Variants in VCP observed in about 807,000 individuals in gnomAD.
VCP encodes the protein transitional endoplasmic reticulum ATPase.
In VCP, 6 loss-of-function variants were observed where a neutral mutation model predicts 85.7. That is an observed-to-expected ratio of 0.07 (90% CI 0.04 to 0.14). The LOEUF is 0.14. VCP is among the 10% of genes least tolerant of loss of function. The pLI is 1.00. For synonymous variants in VCP, 384 were observed against 367.1 expected (o/e 1.05, Z -0.53); for missense variants, 353 against 1,043.4 (o/e 0.34, Z 9.12).
intron 9 of VCP, 23 bp from the exon 10 acceptor site, chr9:35,061,712 A>C (rs763044813): frequency 9.9e-5 from 48 of 482,824 alleles, no homozygotes; most frequent in Non-Finnish European, 1.8e-4. Context: ...ACACAAACAT[A>C]AACAGGGCTC....
intron 1 of VCP, 110 bp downstream of exon 1, chr9:35,072,227 C>G: frequency 6.8e-7 from 1 of 1,460,528 alleles, no homozygotes; most frequent in Non-Finnish European, 9.1e-7. Context: ...TCCCTCTTTC[C>G]TGGTCTCCAC....
At chr9:35,068,535 A>G (rs1349803120) in intron 1 of VCP, among the ~76,000 whole-genome samples, 173 bp from the exon 2 acceptor site, 1 of 152,202 alleles carries the variant, frequency 6.6e-6, no homozygotes, top group Non-Finnish European at 1.5e-5. Context: ...CATACATATT[A>G]CAATACCCAT....
rs531706748 is a variant in VCP at position 35,072,613 on chromosome 9, C to T, written c.-260G>A. 1 of 472,596 alleles carries T rather than the reference C, an allele frequency of 2.1e-6. No individual in the cohort carries two copies. The highest frequency in any genetic ancestry group is 3.7e-6 in the Non-Finnish European group (1 of 270,394). The allele number at this position is 472,596 out of a possible 1,614,324, so 29.3% of individuals were successfully genotyped here. ...ACGACTCAAACGACGGTCGCAGACG[C>T]TTCGCTGAGACTGAGCCGAGAAGAG... On this transcript the variant is annotated 5_prime_UTR_variant, in exon 1 of 17. Coordinates refer to ENST00000358901, the MANE Select transcript of VCP (RefSeq NM_007126.5).
intron 5 of VCP, 105 bp from the exon 6 acceptor site, chr9:35,064,390 A>G (rs980930068): frequency 9.5e-6 from 14 of 1,481,200 alleles, no homozygotes; most frequent in Non-Finnish European, 1.3e-5. Context: ...AACCTACCGT[A>G]TAAGAAGATT....
At chr9:35,071,830 C>A in intron 1 of VCP, 1 of 989,656 alleles carries the variant, frequency 1.0e-6, no homozygotes, top group Non-Finnish European at 1.2e-6. Context: ...TCCCCGACCC[C>A]GGGCTCCGCC....
intron 8 of VCP, 26 bp from the exon 9 acceptor site, chr9:35,062,164 AAG>A (rs771489734): frequency 1.5e-5 from 25 of 1,614,044 alleles, no homozygotes; most frequent in Non-Finnish European, 2.1e-5. Context: ...GTCTGGTCAG[AAG>A]TGAAGTCAGG....
In VCP at chr9:35,062,369, G is replaced by A. The variant is rs1181963805; in HGVS notation, c.812-19C>T. On this transcript the variant is annotated intron_variant, in intron 7 of 16. Coordinates refer to ENST00000358901, the MANE Select transcript of VCP (RefSeq NM_007126.5). ...TCAGGACCTGAAAGGATACAGAATG[G>A]AGACAATAACAAAATGATAGTCTTT... 6.8e-6 allele frequency: 11 copies of A among 1,613,914 alleles called. No individual in the cohort carries two copies. The highest frequency in any genetic ancestry group is 4.5e-5 in the East Asian group (2 of 44,886).
In VCP at chr9:35,062,965, C is replaced by A; in HGVS notation, c.811+13G>T. Reference sequence around the variant, plus strand: ...TGGGTCTAGCTAGACATAAGATGAACCAAATATCTCACCATTGATCAAGAA... The same window carrying A: ...TGGGTCTAGCTAGACATAAGATGAAACAAATATCTCACCATTGATCAAGAA... On this transcript the variant is annotated intron_variant, in intron 7 of 16. Transcript: ENST00000358901. 1.9e-6 allele frequency: 3 copies of A among 1,613,660 alleles called. No homozygotes were observed. Among genetic ancestry groups the A allele is most frequent in the Non-Finnish European group, 2.5e-6 (3 of 1,179,712 alleles).
Position 35,057,067 on chromosome 9 carries a change from A to G in VCP, c.*50T>C, listed in dbSNP as rs1432110930. On this transcript the variant is annotated 3_prime_UTR_variant, in exon 17 of 17. Transcript: ENST00000358901. ...CTCCTGGGCAAGCGCCCCCACCCCC[A>G]GGGAACAAGGTCCAGGCAGGCCAGC... The G allele has an allele frequency of 6.2e-7, 1 of 1,600,630 alleles. No homozygotes were observed. Among genetic ancestry groups the G allele is most frequent in the African/African-American group, 1.3e-5 (1 of 74,816 alleles).
intron 6 of VCP, 76 bp from the exon 7 acceptor site, chr9:35,063,156 G>A: frequency 1.5e-6 from 2 of 1,331,602 alleles, no homozygotes; most frequent in South Asian, 1.2e-5. Context: ...GCGCTCCAGA[G>A]AGGGTGAGAA....
At chr9:35,071,942 A>G (rs904769479) in intron 1 of VCP, 3 of 1,046,104 alleles carry the variant, frequency 2.9e-6, no homozygotes, top group Non-Finnish European at 3.5e-6. Flanking sequence ...CCGGGGACCA[A>G]AGGCTTTCGG....
intron 7 of VCP, 81 bp from the exon 8 acceptor site, chr9:35,062,431 T>G: frequency 6.2e-7 from 1 of 1,606,436 alleles, no homozygotes; most frequent in Non-Finnish European, 8.5e-7. Flanking sequence ...CTTGCTTGTT[T>G]GGCCCAGAGA....
Position 35,060,130 on chromosome 9 carries a change from CAA to C in VCP, c.1695+181_1695+182del, listed in dbSNP as rs35042918. 0.35 allele frequency among the ~76,000 whole-genome samples: 53,088 copies of C among 151,300 alleles called. 11,965 individuals are homozygous for C. The highest frequency in any genetic ancestry group is 0.49 in the Non-Finnish European group (33,496 of 67,748). On this transcript the variant is annotated intron_variant, in intron 13 of 16. Transcript: ENST00000358901. ...TGGGCAACAGAGCCAGACCCTGTCT[CAA>C]GAGAGAGAGAGAGAAAAAAAAAATA...
chr9:35,059,820 G>T lies in VCP; in HGVS notation c.1696-19C>A. The T allele has an allele frequency of 6.2e-7, 1 of 1,614,074 alleles. No homozygotes were observed. The highest frequency in any genetic ancestry group is 1.1e-5 in the South Asian group (1 of 91,036). ...GGCGGGCCTGTAGGAGGAATGGATT[G>T]ATTCAAGCACTAACAAAACTAGATG... On this transcript the variant is annotated intron_variant, in intron 13 of 16. Transcript: ENST00000358901. The surrounding 1 kb of genome is among the most constrained non-coding windows in gnomAD (Gnocchi z 4.9).
chr9:35,059,151 G>A lies in VCP; in HGVS notation c.2073C>T (p.Cys691=), dbSNP rs1201467201. The change falls in exon 15 of 17, where the codon TGC becomes TGT. Residue 691 remains cysteine, a synonymous_variant. Coordinates refer to ENST00000358901, the MANE Select transcript of VCP (RefSeq NM_007126.5). The surrounding 1 kb of genome is among the most constrained non-coding windows in gnomAD (Gnocchi z 4.9). ...GFSGADLTEI[C]QRACKLAIRE... Reference sequence around the variant, plus strand: ...GGATGGCCAGCTTGCAAGCACGCTGGCAAATCTCTGTCAGGTCAGCTCCAG... The same window carrying A: ...GGATGGCCAGCTTGCAAGCACGCTGACAAATCTCTGTCAGGTCAGCTCCAG... 2 of 1,614,062 alleles carry A rather than the reference G, an allele frequency of 1.2e-6. No homozygotes were observed. Among genetic ancestry groups the A allele is most frequent in the Admixed American group, 1.7e-5 (1 of 60,014 alleles).
intron 1 of VCP, chr9:35,071,861 G>A: frequency 3.0e-6 from 3 of 993,712 alleles, no homozygotes; most frequent in South Asian, 4.3e-5. Flanking sequence ...AGCTCCTGAG[G>A]CCTTCACATG....
chr9:35,059,784 G>C lies in VCP; in HGVS notation c.1713C>G (p.Pro571=). The C allele has an allele frequency of 6.2e-7, 1 of 1,614,128 alleles. No homozygotes were observed. Among genetic ancestry groups the C allele is most frequent in the East Asian group, 2.2e-5 (1 of 44,890 alleles). Residue 571 remains proline, a synonymous_variant, in exon 14 of 17, where the codon CCC becomes CCG. Transcript: ENST00000358901. The surrounding 1 kb of genome is among the most constrained non-coding windows in gnomAD (Gnocchi z 4.9). ...EIFDKARQAA[P]CVLFFDELDS... is the part of the protein sequence containing the mutation. ...CCAGCTCATCAAAGAATAGCACACA[G>C]GGGGCAGCTTGGCGGGCCTGTAGGA...
In VCP at chr9:35,059,413, C is replaced by T; in HGVS notation, c.2004+80G>A. On this transcript the variant is annotated intron_variant, in intron 14 of 16. Coordinates refer to ENST00000358901, the MANE Select transcript of VCP (RefSeq NM_007126.5). This position sits in a 1 kb window ranked among gnomAD's most constrained non-coding sequence, Gnocchi z 4.9. ...AGACCAACCCTAACCCCAGTGGAAT[C>T]TTGTCCAGAAACTAAAGAGCACTCC... 1.9e-6 allele frequency: 3 copies of T among 1,575,334 alleles called. No individual in the cohort carries two copies. Among genetic ancestry groups the T allele is most frequent in the Non-Finnish European group, 2.6e-6 (3 of 1,156,452 alleles).
chr9:35,061,802 TA>T, intron 9 of VCP, 113 bp from the exon 10 acceptor site: 4 of 1,388,582 alleles, frequency 2.9e-6, no homozygotes, highest in Non-Finnish European at 4.1e-6. Flanking sequence ...ATGCCAGCAC[TA>T]AAAAAGTCTC....
Sources: allele counts gnomAD v4.1 joint callset (sites outside exome capture counted in the v4.1 genomes callset), GRCh38; gene constraint gnomAD v4.1.1; non-coding constraint Gnocchi (gnomAD v3.1); transcripts MANE v1.5; gene names NCBI Gene and HGNC (gene_info 2026-07-23, HGNC 2026-07-21).